Variants in FMN2 observed in about 807,000 individuals in gnomAD.
The protein encoded by FMN2 is formin-2.
In FMN2, 51 loss-of-function variants were observed where a neutral mutation model predicts 142.3. The observed-to-expected ratio is 0.36, with a 90% confidence interval of 0.29 to 0.45. FMN2 has a LOEUF of 0.45. Ranked by LOEUF, FMN2 falls within the 20% of genes least tolerant of loss-of-function variation. The pLI, the probability that FMN2 is intolerant of heterozygous loss-of-function variation, is 1.00. For synonymous variants in FMN2, 882 were observed against 869.8 expected (o/e 1.01, Z -0.25); for missense variants, 1,936 against 2,122.8 (o/e 0.91, Z 1.73).
chr1:240,106,328 A>G (rs1008509627), intron 1 of FMN2, among the ~76,000 whole-genome samples: 3 of 152,208 alleles, frequency 2.0e-5, no homozygotes, highest in African/African-American at 7.2e-5. Flanking sequence ...GAAACATCCA[A>G]CATTTCCCTG....
intron 2 of FMN2, chr1:240,154,587 A>T (rs1406995911): frequency 2.0e-5 from 3 of 152,196 alleles, no homozygotes; most frequent in African/African-American, 7.2e-5. Flanking sequence ...TCATAGGCAC[A>T]TCCGCAATCC....
intron 14 of FMN2, among the ~76,000 whole-genome samples, chr1:240,365,174 C>T (rs1000627727): frequency 8.2e-5 from 12 of 146,804 alleles, no homozygotes; most frequent in Admixed American, 6.7e-4. Flanking sequence ...TACATACATA[C>T]GTGTGCATAT....
chr1:240,168,886 C>T (rs1664588386), intron 2 of FMN2, among the ~76,000 whole-genome samples: 2 of 151,958 alleles, frequency 1.3e-5, no homozygotes, highest in East Asian at 3.9e-4. Flanking sequence ...ATCTGATCAA[C>T]ACAATTTATA....
At chr1:240,178,098 C>A in intron 3 of FMN2, 30 bp downstream of exon 3, 1 of 1,536,534 alleles carries the variant, frequency 6.5e-7, no homozygotes. Flanking sequence ...TCAGAGATAA[C>A]TGGAAGAGGC....
chr1:240,438,406 T>C (rs1675478898), intron 16 of FMN2, among the ~76,000 whole-genome samples, 196 bp downstream of exon 16: 1 of 152,144 alleles, frequency 6.6e-6, no homozygotes, highest in African/African-American at 2.4e-5. Flanking sequence ...GCTGGGATGC[T>C]ACAGAGAGTA....
chr1:240,236,864 A>G (rs1409166275), intron 6 of FMN2, among the ~76,000 whole-genome samples: 1 of 152,218 alleles, frequency 6.6e-6, no homozygotes, highest in African/African-American at 2.4e-5. Flanking sequence ...CAAACATCCA[A>G]ACTATATCAG....
intron 15 of FMN2, among the ~76,000 whole-genome samples, chr1:240,403,773 T>A (rs911847871): frequency 8.5e-5 from 13 of 152,224 alleles, no homozygotes; most frequent in African/African-American, 3.1e-4. Context: ...TGGACATTAT[T>A]ATGTGATAAA....
chr1:240,212,780 G>A (rs919550013), intron 6 of FMN2, among the ~76,000 whole-genome samples: 4 of 152,170 alleles, frequency 2.6e-5, no homozygotes, highest in Non-Finnish European at 4.4e-5. Context: ...CTGTCTGGGC[G>A]AGGAATATGG....
chr1:240,123,505 C>CAAAAAAAAAAAA (rs71168901), intron 2 of FMN2, among the ~76,000 whole-genome samples, 160 bp downstream of exon 2: 5 of 107,776 alleles, frequency 4.6e-5, no homozygotes, highest in South Asian at 3.2e-4. Flanking sequence ...TGTTTGTACA[C>CAAAAAAAAAAAA]AAAAAAAAAA....
At position 240,103,840 on chromosome 1, in the gene FMN2, T is replaced by G. The variant is rs114554831; in HGVS notation, c.1615+10116T>G. Among the ~76,000 whole-genome samples, 1,222 of 152,266 alleles carry G rather than the reference T, an allele frequency of 8.0e-3. 13 individuals are homozygous for G. Among genetic ancestry groups the G allele is most frequent in the Non-Finnish European group, 0.013 (906 of 68,026 alleles). ...CACCCTGAGGCTATTGAGTTTAAAT[T>G]CTTTACTATGTACATATTAAATATA... On this transcript the variant is annotated intron_variant, in intron 1 of 17. Transcript: ENST00000319653.
intron 8 of FMN2, among the ~76,000 whole-genome samples, chr1:240,321,934 C>A (rs1026799644): frequency 3.9e-5 from 6 of 152,134 alleles, no homozygotes; most frequent in African/African-American, 1.4e-4. Flanking sequence ...AGTAGCTATA[C>A]AGATACTCCT....
intron 6 of FMN2, among the ~76,000 whole-genome samples, chr1:240,243,822 T>C (rs1350514929): frequency 6.6e-6 from 1 of 152,220 alleles, no homozygotes; most frequent in Non-Finnish European, 1.5e-5. Flanking sequence ...GATCAAATCA[T>C]TGGAAATCTT....
rs535979510 is a variant in FMN2 at position 240,128,742 on chromosome 1, A to C, written c.1782+5397A>C. 6.6e-5 allele frequency among the ~76,000 whole-genome samples: 10 copies of C among 152,356 alleles called. No individual in the cohort carries two copies. The South Asian group carries it at 2.1e-3, about 32-fold the overall frequency. ...AGAAATAAGATCTTGAACCTGTTGA[A>C]AGATGAAGCTGTTAATCAAAACCAA... On this transcript the variant is annotated intron_variant, in intron 2 of 17. Coordinates refer to ENST00000319653, the MANE Select transcript of FMN2 (RefSeq NM_020066.5).
At position 240,136,896 on chromosome 1, in the gene FMN2, C is replaced by A. The variant is rs575146319; in HGVS notation, c.1782+13551C>A. On this transcript the variant is annotated intron_variant, in intron 2 of 17. Transcript: ENST00000319653. ...GATCAGCCTGACCCACATGGTGAAACCCTGTCTCTACTACAAATACAAAAA... is the reference window on the plus strand; with the variant it reads ...GATCAGCCTGACCCACATGGTGAAAACCTGTCTCTACTACAAATACAAAAA... Among the ~76,000 whole-genome samples the A allele has an allele frequency of 2.0e-5, 3 of 152,012 alleles. No individual in the cohort carries two copies. The South Asian group carries it at 6.2e-4, about 32-fold the overall frequency.
At chr1:240,236,332 T>C (rs1168925662) in intron 6 of FMN2, among the ~76,000 whole-genome samples, 1 of 152,184 alleles carries the variant, frequency 6.6e-6, no homozygotes, top group Non-Finnish European at 1.5e-5. Flanking sequence ...GCCATGCCTT[T>C]AACTACATAC....
chr1:240,140,903 G>A (rs1663153255), intron 2 of FMN2, among the ~76,000 whole-genome samples: 2 of 152,226 alleles, frequency 1.3e-5, no homozygotes, highest in African/African-American at 4.8e-5. Flanking sequence ...AAATTGGCAA[G>A]TGAAGACATT....
chr1:240,329,621 C>T lies in FMN2; in HGVS notation c.4437+153C>T, dbSNP rs3795678. ...CAGAAGGGAACATTTTATGATTGAC[C>T]TTCAAGATCAAAGTAAATGTTCCGG... On this transcript the variant is annotated intron_variant, in intron 10 of 17. Transcript: ENST00000319653. 2.6e-5 allele frequency among the ~76,000 whole-genome samples: 4 copies of T among 152,116 alleles called. No homozygotes were observed. The East Asian group carries it at 7.7e-4, about 29-fold the overall frequency.
chr1:240,141,462 G>T (rs1359190147), intron 2 of FMN2, among the ~76,000 whole-genome samples: 1 of 151,890 alleles, frequency 6.6e-6, no homozygotes, highest in Non-Finnish European at 1.5e-5. Flanking sequence ...CTGCCCCCAC[G>T]GTTCTAGTGA....
intron 13 of FMN2, among the ~76,000 whole-genome samples, chr1:240,349,471 A>G (rs1233139543): frequency 6.6e-6 from 1 of 151,598 alleles, no homozygotes. Flanking sequence ...GTAGACTTGT[A>G]TAAATTATTC....
Sources: allele counts gnomAD v4.1 joint callset (sites outside exome capture counted in the v4.1 genomes callset), GRCh38; gene constraint gnomAD v4.1.1; transcripts MANE v1.5; gene names NCBI Gene and HGNC (gene_info 2026-07-23, HGNC 2026-07-21).